NCAM1: variants seen among roughly 807,000 people sequenced by gnomAD.
NCAM1 encodes the protein antigen recognized by monoclonal antibody 5.1H11.
A neutral mutation model predicts 109.8 loss-of-function variants in NCAM1; 14 were observed. The ratio of observed to expected loss-of-function variants is 0.13; its 90% CI spans 0.08 to 0.20. The LOEUF (loss-of-function observed/expected upper bound fraction) is 0.20, where lower values mean the gene tolerates loss of function less well. Among genes scored for constraint, NCAM1 ranks in the 10% least tolerant of loss-of-function variants. The pLI is 1.00. For missense variants in NCAM1, 774 were observed against 1,109.9 expected (o/e 0.70, Z 4.30); for synonymous variants, 418 against 442.9 (o/e 0.94, Z 0.70).
intron 16 of NCAM1, among the ~76,000 whole-genome samples, chr11:113,257,032 A>C (rs2137596642): frequency 6.6e-6 from 1 of 152,352 alleles, no homozygotes; most frequent in South Asian, 2.1e-4. Flanking sequence ...AGAGCCCCGC[A>C]GGCATACTTC....
At chr11:113,009,320 T>TG (rs1951976837) in intron 1 of NCAM1, among the ~76,000 whole-genome samples, 2 of 44,312 alleles carry the variant, frequency 4.5e-5, no homozygotes, top group Non-Finnish European at 8.7e-5. Flanking sequence ...GGGTTTTTTT[T>TG]TTTTTTTTTT....
At chr11:113,213,442 T>C (rs922523166) in intron 7 of NCAM1, among the ~76,000 whole-genome samples, 17 of 152,178 alleles carry the variant, frequency 1.1e-4, no homozygotes, top group Non-Finnish European at 5.9e-5. Flanking sequence ...CCCAAAACAT[T>C]TGGAAAATGA....
At position 112,963,795 on chromosome 11, in the gene NCAM1, A is replaced by G. The variant is rs2134438589; in HGVS notation, c.52+2131A>G. The stretch of plus-strand genomic sequence containing the variant: ...GATGGGTACAGTCATCAGTATTTGG[A>G]TCCCGTGGAAGTTGCAGGCCCAGGA... On this transcript the variant is annotated intron_variant, in intron 1 of 19. Coordinates refer to ENST00000316851, the MANE Select transcript of NCAM1 (RefSeq NM_181351.5). This position sits in a 1 kb window ranked among gnomAD's most constrained non-coding sequence, Gnocchi z 4.6. Among the ~76,000 whole-genome samples the G allele has an allele frequency of 6.6e-6, 1 of 152,094 alleles. No homozygotes were observed. The highest frequency in any genetic ancestry group is 2.4e-5 in the African/African-American group (1 of 41,496).
At chr11:113,015,037 C>G (rs1174866744) in intron 1 of NCAM1, among the ~76,000 whole-genome samples, 1 of 152,220 alleles carries the variant, frequency 6.6e-6, no homozygotes, top group Admixed American at 6.5e-5. Context: ...GCAGTCTCCA[C>G]CCCCTCACCA....
At chr11:112,985,820 T>C (rs1162801524) in intron 1 of NCAM1, among the ~76,000 whole-genome samples, 4 of 151,978 alleles carry the variant, frequency 2.6e-5, no homozygotes, top group African/African-American at 9.6e-5. Context: ...TTTAGTGTTT[T>C]TTAATATAAA....
intron 1 of NCAM1, among the ~76,000 whole-genome samples, chr11:113,053,456 G>A (rs1173104086): frequency 2.0e-5 from 3 of 151,812 alleles, no homozygotes; most frequent in African/African-American, 4.8e-5. Flanking sequence ...GTGATATTTC[G>A]GCTTCTAGAT....
At chr11:113,272,671 G>A (rs1946307891) in intron 19 of NCAM1, among the ~76,000 whole-genome samples, 2 of 152,138 alleles carry the variant, frequency 1.3e-5, no homozygotes, top group Admixed American at 1.3e-4. Context: ...GCAGAGAGCT[G>A]GAGAGACATC....
intron 1 of NCAM1, among the ~76,000 whole-genome samples, chr11:113,135,424 G>T (rs1195767358): frequency 6.6e-6 from 1 of 152,176 alleles, no homozygotes; most frequent in East Asian, 1.9e-4. Flanking sequence ...CAGAGATTGA[G>T]CATGGGAAGT....
intron 1 of NCAM1, among the ~76,000 whole-genome samples, chr11:113,129,512 C>G (rs1392432574): frequency 2.6e-5 from 4 of 152,110 alleles, no homozygotes; most frequent in Non-Finnish European, 4.4e-5. Context: ...ATCATTTGCT[C>G]TCTAAAATGG....
chr11:113,205,566 G>A lies in NCAM1; in HGVS notation c.390G>A (p.Arg130=). ...ATGCGCCAACCCCACAGGAGTTCCG[G>A]GAGGGGGAAGATGCCGTGATTGTGT... is the stretch of plus-strand genomic sequence containing the variant. The part of the protein sequence containing the change: ...FKNAPTPQEF[R]EGEDAVIVCD... Residue 130 remains arginine (R), a synonymous_variant, in exon 4 of 20, where the codon CGG becomes CGA. Coordinates refer to ENST00000316851, the MANE Select transcript of NCAM1 (RefSeq NM_181351.5). The A allele has an allele frequency of 1.2e-6, 2 of 1,613,592 alleles. No individual in the cohort carries two copies. The highest frequency in any genetic ancestry group is 1.7e-6 in the Non-Finnish European group (2 of 1,179,714).
At chr11:113,235,504 G>A (rs1054155094) in intron 14 of NCAM1, among the ~76,000 whole-genome samples, 4 of 152,182 alleles carry the variant, frequency 2.6e-5, no homozygotes, top group East Asian at 1.9e-4. Flanking sequence ...GTTGCTTTTC[G>A]ACAGGCCACA....
At chr11:113,018,838 T>C (rs1555075756) in intron 1 of NCAM1, among the ~76,000 whole-genome samples, 1 of 152,228 alleles carries the variant, frequency 6.6e-6, no homozygotes, top group Admixed American at 6.5e-5. Context: ...TTTAGTTTTA[T>C]TGGACTTTTA....
rs1555113159 is a variant in NCAM1 at position 113,207,961 on chromosome 11, A to C, written c.875A>C (p.Lys292Thr). 1 of 1,612,000 alleles carries C rather than the reference A, an allele frequency of 6.2e-7. No homozygotes were observed. The highest frequency in any genetic ancestry group is 8.5e-7 in the Non-Finnish European group (1 of 1,179,132). The change falls in exon 7 of 20, where the codon AAG (lysine) becomes ACG (threonine). Residue 292 changes from lysine to threonine, a missense_variant. Coordinates refer to ENST00000316851, the MANE Select transcript of NCAM1 (RefSeq NM_181351.5). The part of the protein sequence containing the change: ...EAEYICIAEN[K>T]AGEQDATIHL... ...GAGTACATCTGCATTGCTGAGAACA[A>C]GGCTGGCGAGCAGGATGCGACCATC...
At chr11:113,054,199 G>A (rs1000686938) in intron 1 of NCAM1, among the ~76,000 whole-genome samples, 1 of 152,186 alleles carries the variant, frequency 6.6e-6, no homozygotes, top group South Asian at 2.1e-4. Flanking sequence ...AAATAGGCAC[G>A]TTTTTGGTGA....
intron 14 of NCAM1, among the ~76,000 whole-genome samples, chr11:113,245,411 C>A (rs1387182593): frequency 2.0e-5 from 3 of 152,228 alleles, no homozygotes; most frequent in African/African-American, 7.2e-5. Context: ...CACTGCACTG[C>A]AGCCTGGGTG....
At chr11:113,249,287 G>A (rs1319702445) in intron 15 of NCAM1, among the ~76,000 whole-genome samples, 2 of 152,206 alleles carry the variant, frequency 1.3e-5, no homozygotes, top group Non-Finnish European at 2.9e-5. Context: ...CTGGCAGGTC[G>A]ACACAGACTT....
chr11:113,181,077 G>A (rs1943315997), intron 1 of NCAM1, among the ~76,000 whole-genome samples: 1 of 152,214 alleles, frequency 6.6e-6, no homozygotes, highest in Non-Finnish European at 1.5e-5. Flanking sequence ...TACTGCTGGG[G>A]CTTCTTTATC....
At position 113,202,269 on chromosome 11, in the gene NCAM1, T is replaced by C. The variant is rs900191096; in HGVS notation, c.53-110T>C. 23 of 1,134,868 alleles carry C rather than the reference T, an allele frequency of 2.0e-5. 1 individual carries two copies. Among genetic ancestry groups the C allele is most frequent in the Admixed American group, 2.6e-5 (1 of 38,976 alleles). 70.3% of individuals were successfully genotyped at this position (1,134,868 alleles called of 1,614,324 possible). A position where few individuals can be genotyped will look rare whatever the true frequency, so the allele number is the denominator to read the frequency against. On this transcript the variant is annotated intron_variant, in intron 1 of 19. Coordinates refer to ENST00000316851, the MANE Select transcript of NCAM1 (RefSeq NM_181351.5). ...TAAAGTCAGTTGGGAAGCCTATTTT[T>C]GAATGGAAGATCTGGGTTTCATTCT...
At chr11:113,164,164 T>C (rs143477540) in intron 1 of NCAM1, among the ~76,000 whole-genome samples, 514 of 152,238 alleles carry the variant, frequency 3.4e-3, no homozygotes, top group African/African-American at 0.011. Flanking sequence ...TGGGGGTACA[T>C]GCTCTGCAGT....
Sources: allele counts gnomAD v4.1 joint callset (sites outside exome capture counted in the v4.1 genomes callset), GRCh38; gene constraint gnomAD v4.1.1; non-coding constraint Gnocchi (gnomAD v3.1); transcripts MANE v1.5; gene names NCBI Gene and HGNC (gene_info 2026-07-23, HGNC 2026-07-21).